ZFYVE28: variants seen among roughly 807,000 people sequenced by gnomAD.
ZFYVE28 encodes zinc finger FYVE-type containing 28.
In ZFYVE28, 40 loss-of-function variants were observed where a neutral mutation model predicts 82.1. That is an observed-to-expected ratio of 0.49 (90% confidence interval 0.38 to 0.63). The LOEUF (loss-of-function observed/expected upper bound fraction) is 0.63. ZFYVE28 is among the 30% of genes least tolerant of loss of function. The pLI is 0.00. For synonymous variants in ZFYVE28, 612 were observed against 546.1 expected, an observed-to-expected ratio of 1.12 and a Z score of -1.68; for missense variants, 1,321 against 1,242.1, an observed-to-expected ratio of 1.06 and a Z score of -0.96.
In ZFYVE28 at chr4:2,336,952, GT is replaced by G. The variant is rs553435587; in HGVS notation, c.611+454del. Among the ~76,000 whole-genome samples the G allele has an allele frequency of 4.0e-5, 6 of 150,792 alleles. No individual in the cohort carries two copies. The South Asian group carries it at 1.3e-3, about 32-fold the overall frequency. ...GAGTGAGGAGGTGAGGAGTGAGGGG[GT>G]GAGGAGTTAGGTGGTGAGGAGTGAG... is the stretch of plus-strand genomic sequence containing the variant. On this transcript the variant is annotated intron_variant, in intron 5 of 12. Transcript: ENST00000290974.
At chr4:2,279,597 A>G (rs141617671) in intron 8 of ZFYVE28, among the ~76,000 whole-genome samples, 4,013 of 151,896 alleles carry the variant, frequency 0.026, 63 homozygotes, top group Non-Finnish European at 0.034. Context: ...GGCTAACACG[A>G]TGAAACCCTG....
intron 7 of ZFYVE28, among the ~76,000 whole-genome samples, chr4:2,317,971 G>T (rs1718476038): frequency 6.6e-6 from 1 of 152,210 alleles, no homozygotes; most frequent in African/African-American, 2.4e-5. Flanking sequence ...GGAAACTGCA[G>T]GAAGCCTGTT....
intron 1 of ZFYVE28, among the ~76,000 whole-genome samples, chr4:2,366,217 C>T (rs1455171951): frequency 6.6e-6 from 1 of 152,236 alleles, no homozygotes; most frequent in African/African-American, 2.4e-5. Flanking sequence ...AAAACATTCA[C>T]GTGTACATTC....
At position 2,320,575 on chromosome 4, in the gene ZFYVE28, A is replaced by G. The variant is rs555453608; in HGVS notation, c.702-304T>C. ...ACACATCAGTGCTGCAATCAGATAAATTAGCCTCAAGGTTTGTTACCAAAA... is the reference window on the plus strand; with the variant it reads ...ACACATCAGTGCTGCAATCAGATAAGTTAGCCTCAAGGTTTGTTACCAAAA... On this transcript the variant is annotated intron_variant, in intron 6 of 12. Transcript: ENST00000290974. This position sits in a 1 kb window ranked among gnomAD's most constrained non-coding sequence, Gnocchi z 5.1. Among the ~76,000 whole-genome samples the G allele has an allele frequency of 2.6e-4, 39 of 152,372 alleles. No homozygotes were observed. Among genetic ancestry groups the G allele is most frequent in the African/African-American group, 8.4e-4 (35 of 41,578 alleles).
At chr4:2,299,420 C>G (rs961363916) in intron 8 of ZFYVE28, among the ~76,000 whole-genome samples, 1 of 151,210 alleles carries the variant, frequency 6.6e-6, no homozygotes, top group African/African-American at 2.4e-5. Context: ...GGCTTCATAC[C>G]TTTGCTGTGG....
chr4:2,297,564 A>G (rs1354440477), intron 8 of ZFYVE28, among the ~76,000 whole-genome samples: 5 of 152,242 alleles, frequency 3.3e-5, no homozygotes, highest in Non-Finnish European at 7.3e-5. Flanking sequence ...AGAGCGGGGG[A>G]CAGAGATGTG....
Position 2,332,331 on chromosome 4 carries a change from C to A in ZFYVE28, c.701+3374G>T, listed in dbSNP as rs1720840916. ...TCATTTCTGCAGAAGTTCCTGCGGC[C>A]CCCTGGTCCTTGCTCGAGCCCTGGA... is the stretch of plus-strand genomic sequence containing the variant. On this transcript the variant is annotated intron_variant, in intron 6 of 12. Transcript: ENST00000290974. This position sits in a 1 kb window ranked among gnomAD's most constrained non-coding sequence, Gnocchi z 4.7. Among the ~76,000 whole-genome samples the A allele has an allele frequency of 6.6e-6, 1 of 152,150 alleles. No homozygotes were observed. Among genetic ancestry groups the A allele is most frequent in the South Asian group, 2.1e-4 (1 of 4,826 alleles).
Position 2,270,434 on chromosome 4 carries a change from T to C in ZFYVE28, c.*291A>G, listed in dbSNP as rs985322562. 9 of 463,414 alleles carry C rather than the reference T, an allele frequency of 1.9e-5. No homozygotes were observed. Among genetic ancestry groups the C allele is most frequent in the African/African-American group, 5.9e-5 (3 of 50,564 alleles). 28.7% of individuals were successfully genotyped at this position (463,414 alleles called of 1,614,324 possible). A position where few individuals can be genotyped will look rare whatever the true frequency, so the allele number is the denominator to read the frequency against. ...CCCCAGCAGATCTCCGAGGGACCAG[T>C]GGGAGGGCCCAGGCCTTCTCCGCCA... On this transcript the variant is annotated 3_prime_UTR_variant, in exon 13 of 13. Transcript: ENST00000290974.
intron 1 of ZFYVE28, among the ~76,000 whole-genome samples, chr4:2,385,531 C>T (rs1315810985): frequency 6.6e-6 from 1 of 152,244 alleles, no homozygotes; most frequent in Non-Finnish European, 1.5e-5. Flanking sequence ...CAGCAAAGCG[C>T]CCCTTTGTTT....
chr4:2,328,184 A>G (rs1720155992), intron 6 of ZFYVE28, among the ~76,000 whole-genome samples: 1 of 152,222 alleles, frequency 6.6e-6, no homozygotes, highest in East Asian at 1.9e-4. Context: ...AATAAAGAAA[A>G]TGTGGTATAT....
intron 8 of ZFYVE28, among the ~76,000 whole-genome samples, chr4:2,277,474 C>G (rs1736578231): frequency 6.6e-6 from 1 of 151,004 alleles, no homozygotes; most frequent in African/African-American, 2.4e-5. Flanking sequence ...AGTGAGACAC[C>G]ATCTCAAAAA....
intron 6 of ZFYVE28, among the ~76,000 whole-genome samples, chr4:2,322,049 C>T (rs1380768200): frequency 6.6e-6 from 1 of 152,238 alleles, no homozygotes; most frequent in Admixed American, 6.5e-5. Flanking sequence ...CCACATCCAG[C>T]CGTGTGTTAG....
intron 7 of ZFYVE28, among the ~76,000 whole-genome samples, chr4:2,317,928 G>A (rs777897718): frequency 1.3e-4 from 20 of 152,206 alleles, no homozygotes; most frequent in Admixed American, 5.2e-4. Context: ...CCACCGCGCC[G>A]GCCTCAAGGC....
intron 1 of ZFYVE28, among the ~76,000 whole-genome samples, chr4:2,397,386 G>C (rs1730588449): frequency 6.6e-6 from 1 of 150,400 alleles, no homozygotes; most frequent in East Asian, 2.0e-4. Context: ...GCTGAGGCAG[G>C]AGAATCGCTT....
At chr4:2,304,158 G>T (rs984624498) in intron 8 of ZFYVE28, 131 bp downstream of exon 8, 13 of 1,234,316 alleles carry the variant, frequency 1.1e-5, no homozygotes, top group Non-Finnish European at 1.4e-5. Flanking sequence ...CCCACACTCG[G>T]CCAGGGCCCA....
Position 2,304,770 on chromosome 4 carries a change from G to A in ZFYVE28, c.1570C>T (p.Pro524Ser), listed in dbSNP as rs1716269143. ...GCGACCGCAGAGTCCAGGGAAGTGG[G>A]CGATTTGGGGTTGAAGATGACCGTG... ...SATVIFNPKS[P>S]TSLDSAVATQ... Residue 524 changes from proline (P) to serine (S), a missense_variant, in exon 8 of 13, where the codon CCC becomes TCC. By Grantham distance (74) the Pro-to-Ser change is moderately conservative. Around this residue, in one of 2 missense-constraint regions of ZFYVE28, gnomAD observed 978 missense variants for 833.7 expected, o/e 1.17. Transcript: ENST00000290974. 14 of 1,612,678 alleles carry A rather than the reference G, an allele frequency of 8.7e-6. No homozygotes were observed. Among genetic ancestry groups the A allele is most frequent in the Non-Finnish European group, 1.2e-5 (14 of 1,179,942 alleles).
At chr4:2,338,830 T>C (rs1350005372) in intron 4 of ZFYVE28, among the ~76,000 whole-genome samples, 1 of 151,996 alleles carries the variant, frequency 6.6e-6, no homozygotes, top group East Asian at 1.9e-4. Context: ...TTTGTTGTGG[T>C]TGTTGTTGTT....
At chr4:2,356,169 G>A (rs1578228465) in intron 1 of ZFYVE28, among the ~76,000 whole-genome samples, 1 of 152,182 alleles carries the variant, frequency 6.6e-6, no homozygotes, top group African/African-American at 2.4e-5. Context: ...ACCCCAGTGA[G>A]GCTGAGCAGA....
At chr4:2,270,910 T>C (rs914655601) in intron 12 of ZFYVE28, 54 bp from the exon 13 acceptor site, 32 of 1,569,092 alleles carry the variant, frequency 2.0e-5, no homozygotes, top group Non-Finnish European at 2.5e-5. Context: ...CCACCCACCC[T>C]GGCTCCTCGC....
Sources: gnomAD v4.1 joint callset for allele counts (sites outside exome capture counted in the v4.1 genomes callset) on GRCh38, gnomAD v4.1.1 for gene constraint, gnomAD v4.1.1 regional missense constraint, Gnocchi (gnomAD v3.1) non-coding constraint, MANE v1.5 for transcripts, NCBI Gene and HGNC (gene_info 2026-07-23, HGNC 2026-07-21) for gene names.